Variants in SMOC1 observed in about 807,000 individuals in gnomAD.
SMOC1 encodes the protein SPARC related modular calcium binding 1, also known as SPARC-related modular calcium-binding protein 1.
Under a neutral mutation model 56.3 loss-of-function variants are expected in SMOC1, and 22 were observed. The ratio of observed to expected loss-of-function variants is 0.39; its 90% CI spans 0.28 to 0.56. The LOEUF (loss-of-function observed/expected upper bound fraction) is 0.56. Ranked by LOEUF, SMOC1 falls within the 20% of genes least tolerant of loss-of-function variation. SMOC1 has a pLI of 0.61. For missense variants in SMOC1, 509 were observed against 565.4 expected, an observed-to-expected ratio of 0.90 and a Z score of 1.01; for synonymous variants, 193 against 215.0, an observed-to-expected ratio of 0.90 and a Z score of 0.89.
intron 1 of SMOC1, among the ~76,000 whole-genome samples, chr14:69,883,191 A>G (rs1883692001): frequency 6.6e-6 from 1 of 152,226 alleles, no homozygotes; most frequent in Non-Finnish European, 1.5e-5. Flanking sequence ...ATAACTTGTC[A>G]TTAACTATAG....
intron 1 of SMOC1, among the ~76,000 whole-genome samples, chr14:69,944,355 G>A (rs934274707): frequency 9.9e-5 from 15 of 152,188 alleles, no homozygotes; most frequent in African/African-American, 2.9e-4. Flanking sequence ...AGGGGCCGGC[G>A]TGTGCACAGT....
chr14:69,949,712 A>G (rs192261570), intron 1 of SMOC1, among the ~76,000 whole-genome samples: 3 of 152,264 alleles, frequency 2.0e-5, no homozygotes, highest in African/African-American at 7.2e-5. Context: ...CTCATTTGAT[A>G]AATGGGAAGC....
At position 70,008,542 on chromosome 14, in the gene SMOC1, C is replaced by T. The variant is rs143083602; in HGVS notation, c.665-2212C>T. On this transcript the variant is annotated intron_variant, in intron 7 of 11. Transcript: ENST00000361956. ...AAATCCATCAACAGGGCCCAAGCCA[C>T]GAGTCTGTGCCTCTTCTTAGATGGC... 1.1e-3 allele frequency among the ~76,000 whole-genome samples: 165 copies of T among 152,282 alleles called. 1 individual carries two copies. The highest frequency in any genetic ancestry group is 3.8e-3 in the African/African-American group (159 of 41,548).
chr14:70,030,987 C>A lies in SMOC1; in HGVS notation c.*729C>A, dbSNP rs1218549766. On this transcript the variant is annotated 3_prime_UTR_variant, in exon 12 of 12. Transcript: ENST00000361956. ...CATGAATAGCCCACACAGGTACCGG[C>A]TCTCAGAGGGTCCGTGCATTCCTGC... The A allele has an allele frequency of 6.6e-6, 1 of 152,206 alleles. No individual in the cohort carries two copies. Among genetic ancestry groups the A allele is most frequent in the East Asian group, 1.9e-4 (1 of 5,186 alleles). 9.4% of individuals were successfully genotyped at this position (152,206 alleles called of 1,614,324 possible).
intron 1 of SMOC1, among the ~76,000 whole-genome samples, chr14:69,902,257 G>C (rs1314606891): frequency 6.6e-6 from 1 of 152,222 alleles, no homozygotes; most frequent in Non-Finnish European, 1.5e-5. Flanking sequence ...CAGAGCAAAA[G>C]AAAGCTGAGA....
At chr14:69,990,987 C>G (rs1382987694) in intron 5 of SMOC1, among the ~76,000 whole-genome samples, 1 of 152,054 alleles carries the variant, frequency 6.6e-6, no homozygotes, top group African/African-American at 2.4e-5. Context: ...GATGTTGATG[C>G]AAAAAGGAGA....
chr14:70,023,261 A>G lies in SMOC1; in HGVS notation c.1105A>G (p.Ser369Gly). Residue 369 changes from serine to glycine, a missense_variant, in exon 11 of 12, where the codon AGC (serine) becomes GGC (glycine). Ser to Gly is a moderately conservative substitution (Grantham distance 56, BLOSUM62 0). Around this residue, in one of 3 missense-constraint regions of SMOC1, gnomAD observed 176 missense variants for 188.1 expected, o/e 0.94. Transcript: ENST00000361956. The part of the protein sequence containing the change: ...LEERVVHWYF[S>G]QLDSNSSNDI... ...GGAGCGGGTAGTGCACTGGTATTTC[A>G]GCCAGCTGGACAGCAATAGCAGCAA... 6.2e-7 allele frequency: 1 copy of G among 1,614,138 alleles called. No individual in the cohort carries two copies. Among genetic ancestry groups the G allele is most frequent in the East Asian group, 2.2e-5 (1 of 44,880 alleles).
chr14:69,995,148 C>G (rs1224429618), intron 7 of SMOC1, among the ~76,000 whole-genome samples: 1 of 152,220 alleles, frequency 6.6e-6, no homozygotes, highest in Non-Finnish European at 1.5e-5. Context: ...CGAAATACCA[C>G]TCTGCATAAT....
At chr14:69,919,713 T>A (rs1884781547) in intron 1 of SMOC1, among the ~76,000 whole-genome samples, 1 of 152,144 alleles carries the variant, frequency 6.6e-6, no homozygotes, top group Non-Finnish European at 1.5e-5. Flanking sequence ...GGGCCTAAGA[T>A]CTACAGGGAA....
intron 1 of SMOC1, among the ~76,000 whole-genome samples, chr14:69,925,932 C>T (rs1284747098): frequency 1.3e-5 from 2 of 152,288 alleles, no homozygotes; most frequent in African/African-American, 4.8e-5. Flanking sequence ...ACTGCGCACA[C>T]CCTGGAGAGG....
intron 5 of SMOC1, among the ~76,000 whole-genome samples, chr14:69,986,324 G>A (rs974135793): frequency 2.6e-5 from 4 of 151,910 alleles, no homozygotes; most frequent in African/African-American, 9.7e-5. Context: ...AATAGTTCTA[G>A]GCTGATGGTG....
chr14:70,011,306 C>T (rs1055569611), intron 8 of SMOC1, among the ~76,000 whole-genome samples, 179 bp from the exon 9 acceptor site: 20 of 152,180 alleles, frequency 1.3e-4, no homozygotes, highest in Admixed American at 1.2e-3. Flanking sequence ...GAACATGTCT[C>T]AGTGGGAACA....
chr14:69,882,470 T>C (rs1378130641), intron 1 of SMOC1, among the ~76,000 whole-genome samples: 1 of 152,210 alleles, frequency 6.6e-6, no homozygotes, highest in East Asian at 1.9e-4. Flanking sequence ...TGTTTGACTC[T>C]GGAAACCAGC....
chr14:69,918,179 C>G (rs943218864), intron 1 of SMOC1, among the ~76,000 whole-genome samples: 18 of 151,970 alleles, frequency 1.2e-4, no homozygotes, highest in Non-Finnish European at 2.1e-4. Context: ...TTATAATTAA[C>G]TAGAGTTGCT....
intron 4 of SMOC1, among the ~76,000 whole-genome samples, chr14:69,976,034 A>G (rs1268886514): frequency 6.6e-6 from 1 of 152,152 alleles, no homozygotes; most frequent in East Asian, 1.9e-4. Context: ...TTGAGTTTAG[A>G]TTTTTGGTTC....
intron 3 of SMOC1, among the ~76,000 whole-genome samples, chr14:69,960,365 C>G (rs1350646987): frequency 6.6e-6 from 1 of 152,164 alleles, no homozygotes; most frequent in Non-Finnish European, 1.5e-5. Context: ...GCTTCTTCAG[C>G]CACAGTTGGC....
Position 70,010,823 on chromosome 14 carries a change from G to C in SMOC1, c.734G>C (p.Gly245Ala). 2 of 1,614,232 alleles carry C rather than the reference G, an allele frequency of 1.2e-6. No homozygotes were observed. Among genetic ancestry groups the C allele is most frequent in the Non-Finnish European group, 1.7e-6 (2 of 1,180,036 alleles). ...GAGGCCCAGCAGAATCCCCGTGAGG[G>C]TATTGTCATCCCTGAATGTGCCCCT... ...LEEAQQNPRE[G>A]IVIPECAPGG... Residue 245 changes from glycine (G) to alanine (A), a missense_variant, in exon 8 of 12, where the codon GGT (glycine) becomes GCT (alanine). Physicochemically the swap from Gly to Ala is moderately conservative, Grantham distance 60. Transcript: ENST00000361956.
rs1231108830 is a variant in SMOC1 at position 69,879,425 on chromosome 14, A to T, written c.-254A>T. ...CCCATGGCCCGGGCTCAGGCGTCCAACCTGCTGCCGCCTGGGCCCCGCCGA... is the reference window on the plus strand; with the variant it reads ...CCCATGGCCCGGGCTCAGGCGTCCATCCTGCTGCCGCCTGGGCCCCGCCGA... On this transcript the variant is annotated 5_prime_UTR_variant, in exon 1 of 12. Transcript: ENST00000361956. 2 of 375,498 alleles carry T rather than the reference A, an allele frequency of 5.3e-6. No homozygotes were observed. The highest frequency in any genetic ancestry group is 4.3e-5 in the African/African-American group (2 of 46,962). 23.3% of individuals were successfully genotyped at this position (375,498 alleles called of 1,614,324 possible).
intron 5 of SMOC1, among the ~76,000 whole-genome samples, chr14:69,992,163 C>T (rs1884589174): frequency 6.6e-6 from 1 of 152,192 alleles, no homozygotes; most frequent in Non-Finnish European, 1.5e-5. Context: ...CCCCCAAAGC[C>T]ACGAAGCTTT....
Sources: gnomAD v4.1 joint callset for allele counts (sites outside exome capture counted in the v4.1 genomes callset) on GRCh38, gnomAD v4.1.1 for gene constraint, gnomAD v4.1.1 regional missense constraint, MANE v1.5 for transcripts, NCBI Gene and HGNC (gene_info 2026-07-23, HGNC 2026-07-21) for gene names.